CCDC81: variants seen among roughly 807,000 people sequenced by gnomAD.
The protein encoded by CCDC81 is coiled-coil domain containing 81.
Under a neutral mutation model 83.7 loss-of-function variants are expected in CCDC81, and 79 were observed. The observed-to-expected ratio is 0.94, with a 90% confidence interval of 0.79 to 1.14. The LOEUF (loss-of-function observed/expected upper bound fraction) is 1.14. Among genes scored for constraint, CCDC81 ranks in the 50% most tolerant of loss-of-function variants. The pLI is 0.00. For missense variants in CCDC81, 791 were observed against 778.1 expected (o/e 1.02, Z -0.20); for synonymous variants, 252 against 278.1 (o/e 0.91, Z 0.93).
rs1385989011 is a variant in CCDC81, at chr11:86,375,133, C to T, written c.-31C>T. 1.3e-6 allele frequency: 2 copies of T among 1,586,778 alleles called. No individual in the cohort carries two copies. Among genetic ancestry groups the T allele is most frequent in the Admixed American group, 1.7e-5 (1 of 59,994 alleles). Reference sequence around the variant, plus strand: ...TATAAGAAAGAAGAGACCCATCGAACATTCAGTACGGAGTCACCTGGAAAT... The same window carrying T: ...TATAAGAAAGAAGAGACCCATCGAATATTCAGTACGGAGTCACCTGGAAAT... On this transcript the variant is annotated 5_prime_UTR_variant, in exon 1 of 15. Transcript: ENST00000445632.
At chr11:86,408,365 C>T (rs113217656) in intron 9 of CCDC81, 95 bp downstream of exon 9, 19 of 1,199,136 alleles carry the variant, frequency 1.6e-5, no homozygotes, top group Non-Finnish European at 2.1e-5. Flanking sequence ...CAGGGTCTCA[C>T]TCTGTCACCC....
chr11:86,422,754 T>G lies in CCDC81; in HGVS notation c.*39T>G. On this transcript the variant is annotated 3_prime_UTR_variant, in exon 15 of 15. Transcript: ENST00000445632. ...GCTCTTCGTTTCCCGGGGAAAGTTTTTATCTTTTACATGTTTGGGGGTGAT... is the reference window on the plus strand; with the variant it reads ...GCTCTTCGTTTCCCGGGGAAAGTTTGTATCTTTTACATGTTTGGGGGTGAT... The G allele has an allele frequency of 6.3e-7, 1 of 1,595,980 alleles. No homozygotes were observed. The highest frequency in any genetic ancestry group is 8.6e-7 in the Non-Finnish European group (1 of 1,167,748).
chr11:86,383,337 A>G (rs1948198346), intron 1 of CCDC81, among the ~76,000 whole-genome samples: 1 of 152,206 alleles, frequency 6.6e-6, no homozygotes, highest in Non-Finnish European at 1.5e-5. Flanking sequence ...ATTTTAGAAG[A>G]TAAGTTTTAT....
chr11:86,387,076 G>A (rs1948252617), intron 2 of CCDC81, among the ~76,000 whole-genome samples: 1 of 152,248 alleles, frequency 6.6e-6, no homozygotes, highest in African/African-American at 2.4e-5. Context: ...TGCAGCATAT[G>A]ATTTGGATGC....
At chr11:86,402,743 T>C (rs1419353788) in intron 7 of CCDC81, among the ~76,000 whole-genome samples, 1 of 152,228 alleles carries the variant, frequency 6.6e-6, no homozygotes, top group Non-Finnish European at 1.5e-5. Flanking sequence ...GAGAGTGCTA[T>C]ATTTTCTACA....
Position 86,405,775 on chromosome 11 carries a change from C to T in CCDC81, c.882-1839C>T, listed in dbSNP as rs990573388. The stretch of plus-strand genomic sequence containing the variant: ...CCAATTTCTTTGGTCACCATCATTT[C>T]TTCTTTTTTCTTTTTTTTTTTTTTT... On this transcript the variant is annotated intron_variant, in intron 7 of 14. Transcript: ENST00000445632. 2.1e-5 allele frequency among the ~76,000 whole-genome samples: 3 copies of T among 144,284 alleles called. No individual in the cohort carries two copies. In the Admixed American group the frequency reaches 2.2e-4, roughly 10 times the overall value. The allele number at this position is 144,284 out of a possible 152,430, so 94.7% of individuals were successfully genotyped here. A position where few individuals can be genotyped will look rare whatever the true frequency, so the allele number is the denominator to read the frequency against.
intron 7 of CCDC81, among the ~76,000 whole-genome samples, chr11:86,406,855 C>T (rs989361503): frequency 3.9e-5 from 6 of 152,040 alleles, no homozygotes; most frequent in African/African-American, 9.7e-5. Context: ...TTTCATTCTT[C>T]GAGCTGCTTT....
chr11:86,376,967 C>G (rs1002736013), intron 1 of CCDC81, among the ~76,000 whole-genome samples: 38 of 152,186 alleles, frequency 2.5e-4, no homozygotes, highest in African/African-American at 8.7e-4. Context: ...ATCCCAAAAT[C>G]TGGAAACCAC....
intron 11 of CCDC81, 72 bp from the exon 12 acceptor site, chr11:86,414,717 T>G: frequency 1.1e-6 from 1 of 876,412 alleles, no homozygotes; most frequent in Non-Finnish European, 1.8e-6. Flanking sequence ...TTAAACATGT[T>G]TTGATGATGT....
rs1486410602 is a variant in CCDC81, at chr11:86,412,520, A to G, written c.1352A>G (p.Glu451Gly). Reference sequence around the variant, plus strand: ...GAAATAAAGCAAAGACAATACAGAGAGTTGATGGACCGCCTGGAACAAGTG... The same window carrying G: ...GAAATAAAGCAAAGACAATACAGAGGGTTGATGGACCGCCTGGAACAAGTG... ...ENEIKQRQYR[E>G]LMDRLEQVQL... The change falls in exon 11 of 15, where the codon GAG becomes GGG. Residue 451 changes from glutamate to glycine, a missense_variant. Physicochemically the swap from Glu to Gly is moderately conservative, Grantham distance 98. Transcript: ENST00000445632. 1 of 1,613,384 alleles carries G rather than the reference A, an allele frequency of 6.2e-7. No individual in the cohort carries two copies. Among genetic ancestry groups the G allele is most frequent in the Admixed American group, 1.7e-5 (1 of 59,820 alleles).
rs76266907 is a variant in CCDC81, at chr11:86,411,091, C to A, written c.1219-1296C>A. The stretch of plus-strand genomic sequence containing the variant: ...AACATACTATTCTCCCATTTAAAAC[C>A]TCCACTGGCCTCCCATTGAGTTAAA... On this transcript the variant is annotated intron_variant, in intron 10 of 14. Coordinates refer to ENST00000445632, the MANE Select transcript of CCDC81 (RefSeq NM_001156474.2). Among the ~76,000 whole-genome samples, 771 of 152,264 alleles carry A rather than the reference C, an allele frequency of 5.1e-3. 8 individuals carry two copies. The highest frequency in any genetic ancestry group is 0.018 in the African/African-American group (747 of 41,538).
chr11:86,387,417 A>G (rs1007654665), intron 2 of CCDC81, 99 bp from the exon 3 acceptor site: 1 of 1,181,042 alleles, frequency 8.5e-7, no homozygotes, highest in Non-Finnish European at 1.2e-6. Flanking sequence ...TTTAAGGCCT[A>G]AGCTTACTTC....
chr11:86,404,792 G>A (rs1948542238), intron 7 of CCDC81, among the ~76,000 whole-genome samples: 1 of 152,170 alleles, frequency 6.6e-6, no homozygotes, highest in Non-Finnish European at 1.5e-5. Flanking sequence ...TTGCAGTAAG[G>A]GAGTGTAGAC....
At chr11:86,408,716 A>T (rs1327879570) in intron 9 of CCDC81, among the ~76,000 whole-genome samples, 2 of 152,206 alleles carry the variant, frequency 1.3e-5, no homozygotes, top group Non-Finnish European at 2.9e-5. Flanking sequence ...TTACTGTTAG[A>T]CTAAAACTTG....
At chr11:86,385,474 G>T (rs1258342687) in intron 1 of CCDC81, among the ~76,000 whole-genome samples, 1 of 152,214 alleles carries the variant, frequency 6.6e-6, no homozygotes, top group Non-Finnish European at 1.5e-5. Flanking sequence ...GACTGGTCCA[G>T]GAGCCCACAG....
At position 86,422,794 on chromosome 11, in the gene CCDC81, T is replaced by G; in HGVS notation, c.*79T>G. ...TTGGGGGTGATTGTGAAACTGCGTATTTTTACCTCAGAGAAAAAAATCATT... is the reference window on the plus strand; with the variant it reads ...TTGGGGGTGATTGTGAAACTGCGTAGTTTTACCTCAGAGAAAAAAATCATT... On this transcript the variant is annotated 3_prime_UTR_variant, in exon 15 of 15. Transcript: ENST00000445632. 2.9e-6 allele frequency: 4 copies of G among 1,372,760 alleles called. No homozygotes were observed. Among genetic ancestry groups the G allele is most frequent in the Non-Finnish European group, 4.0e-6 (4 of 996,162 alleles). 85.0% of individuals were successfully genotyped at this position (1,372,760 alleles called of 1,614,324 possible). A position where few individuals can be genotyped will look rare whatever the true frequency, so the allele number is the denominator to read the frequency against.
intron 5 of CCDC81, among the ~76,000 whole-genome samples, chr11:86,395,648 T>G (rs1948397242): frequency 6.6e-6 from 1 of 152,068 alleles, no homozygotes; most frequent in Non-Finnish European, 1.5e-5. Context: ...CGCGACGGAG[T>G]CTTGCTCTGT....
Position 86,400,744 on chromosome 11 carries a change from G to C in CCDC81, c.824G>C (p.Ser275Thr). The change falls in exon 7 of 15, where the codon AGC becomes ACC. Residue 275 changes from serine (S) to threonine (T), a missense_variant. Coordinates refer to ENST00000445632, the MANE Select transcript of CCDC81 (RefSeq NM_001156474.2). ...ALFPAKVTNV[S>T]LLEKFERSES... ...TTCCCTGCCAAAGTGACAAATGTCA[G>C]CTTGCTGGAAAAGTTTGAACGAAGT... The C allele has an allele frequency of 1.2e-6, 2 of 1,613,130 alleles. No individual in the cohort carries two copies. The highest frequency in any genetic ancestry group is 1.7e-6 in the Non-Finnish European group (2 of 1,179,218).
intron 4 of CCDC81, among the ~76,000 whole-genome samples, chr11:86,394,940 G>T (rs929371809): frequency 6.6e-6 from 1 of 152,202 alleles, no homozygotes; most frequent in Admixed American, 6.5e-5. Flanking sequence ...GAGCCCACCT[G>T]ACTCGAAAGC....
Sources: gnomAD v4.1 joint callset for allele counts (sites outside exome capture counted in the v4.1 genomes callset) on GRCh38, gnomAD v4.1.1 for gene constraint, MANE v1.5 for transcripts, NCBI Gene and HGNC (gene_info 2026-07-23, HGNC 2026-07-21) for gene names.